Variants in KCNU1 observed in about 807,000 individuals in gnomAD.
The protein encoded by KCNU1 is potassium channel subfamily U member 1.
A neutral mutation model predicts 126.8 loss-of-function variants in KCNU1; 93 were observed. The ratio of observed to expected loss-of-function variants is 0.73; its 90% CI spans 0.62 to 0.87. The LOEUF (loss-of-function observed/expected upper bound fraction) is 0.87. Ranked by LOEUF, KCNU1 falls within the 40% of genes least tolerant of loss-of-function variation. The probability of loss-of-function intolerance (pLI) is 0.00; values close to 1 mark genes in which losing one functional copy is unlikely to be tolerated. For missense variants in KCNU1, 1,330 were observed against 1,367.1 expected (o/e 0.97, Z 0.43); for synonymous variants, 523 against 494.2 (o/e 1.06, Z -0.77).
At chr8:36,827,376 G>C (rs187220480) in intron 10 of KCNU1, among the ~76,000 whole-genome samples, 4 of 152,254 alleles carry the variant, frequency 2.6e-5, no homozygotes, top group African/African-American at 9.6e-5. Context: ...TTGTATGTCA[G>C]GGGAACTGCA....
intron 15 of KCNU1, 39 bp downstream of exon 15, chr8:36,840,614 C>A: frequency 1.7e-6 from 2 of 1,168,940 alleles, no homozygotes; most frequent in Non-Finnish European, 1.3e-6. Context: ...CTTCAGACAA[C>A]AGCATTCTTT....
intron 19 of KCNU1, among the ~76,000 whole-genome samples, chr8:36,887,187 T>A (rs562567130): frequency 1.3e-5 from 2 of 152,300 alleles, no homozygotes; most frequent in East Asian, 1.9e-4. Flanking sequence ...CTGAATTGAA[T>A]GGTAGATCTG....
chr8:36,825,157 G>A (rs768401609), intron 10 of KCNU1, among the ~76,000 whole-genome samples: 12 of 151,976 alleles, frequency 7.9e-5, no homozygotes, highest in Admixed American at 3.9e-4. Context: ...CTTTTTAATC[G>A]TAGCCATTCT....
intron 19 of KCNU1, among the ~76,000 whole-genome samples, chr8:36,902,221 T>C (rs990142254): frequency 2.0e-5 from 3 of 152,134 alleles, no homozygotes; most frequent in African/African-American, 4.8e-5. Context: ...TATCTGTTTT[T>C]CATAACATTA....
intron 6 of KCNU1, 101 bp downstream of exon 6, chr8:36,807,551 C>A: frequency 1.1e-6 from 1 of 870,946 alleles, no homozygotes; most frequent in Non-Finnish European, 1.9e-6. Flanking sequence ...ATCAGAATTT[C>A]AGTGCAAAGA....
intron 22 of KCNU1, among the ~76,000 whole-genome samples, chr8:36,918,083 GAA>G (rs1473919240): frequency 6.6e-6 from 1 of 152,140 alleles, no homozygotes; most frequent in Non-Finnish European, 1.5e-5. Flanking sequence ...TGCAGTTTCC[GAA>G]AAATACTACA....
intron 19 of KCNU1, among the ~76,000 whole-genome samples, chr8:36,897,240 C>A (rs1170696016): frequency 6.6e-6 from 1 of 151,802 alleles, no homozygotes; most frequent in Non-Finnish European, 1.5e-5. Flanking sequence ...TTTATAGAAT[C>A]ATTCTCTCTC....
At chr8:36,913,555 G>A (rs1396628560) in intron 22 of KCNU1, among the ~76,000 whole-genome samples, 1 of 151,954 alleles carries the variant, frequency 6.6e-6, no homozygotes, top group African/African-American at 2.4e-5. Context: ...ACCTAATGAA[G>A]GCATCAGGTC....
intron 13 of KCNU1, 72 bp downstream of exon 13, chr8:36,836,437 A>G: frequency 9.5e-7 from 1 of 1,054,118 alleles, no homozygotes; most frequent in Non-Finnish European, 1.4e-6. Context: ...TTAATTTTCT[A>G]ATGGATGTGT....
intron 2 of KCNU1, among the ~76,000 whole-genome samples, chr8:36,790,374 C>T (rs944148865): frequency 6.6e-6 from 1 of 151,220 alleles, no homozygotes; most frequent in Non-Finnish European, 1.5e-5. Context: ...AACATTAAAT[C>T]TAAGCAGAAT....
intron 15 of KCNU1, 50 bp from the exon 16 acceptor site, chr8:36,840,882 T>C (rs953407695): frequency 7.9e-7 from 1 of 1,262,434 alleles, no homozygotes; most frequent in Non-Finnish European, 1.2e-6. Flanking sequence ...AGTTATTTTG[T>C]TGTTCACTGA....
At chr8:36,899,789 G>C (rs925357276) in intron 19 of KCNU1, among the ~76,000 whole-genome samples, 4 of 152,066 alleles carry the variant, frequency 2.6e-5, no homozygotes, top group Non-Finnish European at 4.4e-5. Flanking sequence ...AACATGGAAG[G>C]CTTTCTAGGC....
chr8:36,935,678 T>G lies in KCNU1; in HGVS notation c.3208T>G (p.Ser1070Ala), dbSNP rs138865963. 3.3e-5 allele frequency: 54 copies of G among 1,613,474 alleles called. No homozygotes were observed. The highest frequency in any genetic ancestry group is 4.2e-5 in the Non-Finnish European group (50 of 1,179,600). ...AGCATCACAGACAACAGAGACACAT[T>G]CAGACACAAATTGTCCTCCCACCAT... The part of the protein sequence containing the change: ...NKASQTTETH[S>A]DTNCPPTIDS... The change falls in exon 27 of 27, where the codon TCA becomes GCA. Residue 1070 changes from serine to alanine, a missense_variant. Ser to Ala is a moderately conservative substitution (Grantham distance 99). This residue lies in a region of KCNU1 where 1,054 missense variants were observed against 1,053.9 expected (regional missense o/e 1.00). Transcript: ENST00000399881.
chr8:36,812,532 G>A (rs1803762992), intron 7 of KCNU1, among the ~76,000 whole-genome samples: 1 of 152,174 alleles, frequency 6.6e-6, no homozygotes, highest in Non-Finnish European at 1.5e-5. Flanking sequence ...CAGGTAAGGG[G>A]AGAAGATAGA....
chr8:36,822,063 A>G (rs536232970), intron 10 of KCNU1, among the ~76,000 whole-genome samples: 2 of 152,034 alleles, frequency 1.3e-5, no homozygotes, highest in South Asian at 2.1e-4. Context: ...AGTGGAGTCC[A>G]TTTTCCCTTC....
At chr8:36,910,343 C>CTTA (rs1807817978) in intron 21 of KCNU1, among the ~76,000 whole-genome samples, 1 of 152,180 alleles carries the variant, frequency 6.6e-6, no homozygotes, top group Non-Finnish European at 1.5e-5. Flanking sequence ...CCCTGTACTA[C>CTTA]CGCTCCTGCT....
intron 19 of KCNU1, among the ~76,000 whole-genome samples, chr8:36,891,574 G>C (rs1806964499): frequency 6.6e-6 from 1 of 152,020 alleles, no homozygotes; most frequent in African/African-American, 2.4e-5. Flanking sequence ...GTGGATGCAA[G>C]TTAATGTTTG....
chr8:36,885,034 T>C (rs139286367), intron 19 of KCNU1, among the ~76,000 whole-genome samples: 3 of 152,144 alleles, frequency 2.0e-5, no homozygotes, highest in Non-Finnish European at 4.4e-5. Context: ...ATCTGCTCAC[T>C]GGGGGAAGCA....
chr8:36,872,028 G>GA (rs1260951682), intron 19 of KCNU1, among the ~76,000 whole-genome samples: 11 of 151,000 alleles, frequency 7.3e-5, no homozygotes, highest in South Asian at 2.1e-4. Flanking sequence ...TAGTTTCCAA[G>GA]AAAAAAAAAT....
Sources: allele counts gnomAD v4.1 joint callset (sites outside exome capture counted in the v4.1 genomes callset), GRCh38; gene constraint gnomAD v4.1.1; regional missense constraint gnomAD v4.1.1; transcripts MANE v1.5; gene names NCBI Gene and HGNC (gene_info 2026-07-23, HGNC 2026-07-21).